The following CDK19 variants were observed in gnomAD, a reference collection of about 807,000 sequenced individuals.
CDK19 encodes cyclin-dependent kinase 19.
A neutral mutation model predicts 68.3 loss-of-function variants in CDK19; 20 were observed. The observed-to-expected ratio is 0.29, with a 90% CI of 0.21 to 0.43. The LOEUF (loss-of-function observed/expected upper bound fraction) is 0.43. Ranked by LOEUF, CDK19 falls within the 20% of genes least tolerant of loss-of-function variation. CDK19 has a pLI of 1.00. For missense variants in CDK19, 339 were observed against 623.5 expected (o/e 0.54, Z 4.86); for synonymous variants, 221 against 222.8 (o/e 0.99, Z 0.07).
intron 6 of CDK19, among the ~76,000 whole-genome samples, chr6:110,630,926 G>A (rs188013117): frequency 6.6e-6 from 1 of 152,328 alleles, no homozygotes; most frequent in Admixed American, 6.5e-5. Flanking sequence ...ACGTCTTGAT[G>A]AATGAGGACT....
At chr6:110,656,676 A>T (rs950456852) in intron 4 of CDK19, among the ~76,000 whole-genome samples, 1 of 152,242 alleles carries the variant, frequency 6.6e-6, no homozygotes, top group African/African-American at 2.4e-5. Flanking sequence ...CCAACCCAGC[A>T]CTGCCAACAG....
chr6:110,653,357 C>CT lies in CDK19; in HGVS notation c.456+14076dup, dbSNP rs548305101. ...ATTAATTTTAGTGAAAGTATATGCT[C>CT]TTTTTTAAAAAAAAGAAAACTACAG... On this transcript the variant is annotated intron_variant, in intron 4 of 12. Coordinates refer to ENST00000368911, the MANE Select transcript of CDK19 (RefSeq NM_015076.5). 2.4e-3 allele frequency among the ~76,000 whole-genome samples: 367 copies of CT among 152,140 alleles called. 2 individuals are homozygous for CT. Among genetic ancestry groups the CT allele is most frequent in the African/African-American group, 8.5e-3 (354 of 41,498 alleles).
chr6:110,761,776 T>A (rs1779249778), intron 1 of CDK19, among the ~76,000 whole-genome samples: 1 of 152,218 alleles, frequency 6.6e-6, no homozygotes, highest in South Asian at 2.1e-4. Context: ...TTTACTTTTG[T>A]CTTTCCAACT....
intron 2 of CDK19, among the ~76,000 whole-genome samples, chr6:110,712,685 C>A (rs953974472): frequency 2.6e-5 from 4 of 152,092 alleles, no homozygotes; most frequent in African/African-American, 9.7e-5. Context: ...GGGAAGCCAG[C>A]AGGAGTGTGG....
intron 2 of CDK19, among the ~76,000 whole-genome samples, chr6:110,671,186 A>G (rs1770985301): frequency 6.6e-6 from 1 of 152,152 alleles, no homozygotes; most frequent in South Asian, 2.1e-4. Flanking sequence ...GACTTCACAA[A>G]GTAAAAGCTT....
chr6:110,740,865 T>C (rs866471468), intron 2 of CDK19, among the ~76,000 whole-genome samples: 9 of 152,192 alleles, frequency 5.9e-5, no homozygotes, highest in African/African-American at 2.2e-4. Flanking sequence ...CAGTCCCTCT[T>C]AGCCTCTCTG....
intron 2 of CDK19, among the ~76,000 whole-genome samples, chr6:110,681,734 T>C (rs528361528): frequency 6.5e-4 from 99 of 152,238 alleles, no homozygotes; most frequent in Non-Finnish European, 1.1e-3. Context: ...TAATCATACT[T>C]AAACAGCAAT....
chr6:110,781,331 T>C (rs1215885478), intron 1 of CDK19, among the ~76,000 whole-genome samples: 3 of 152,120 alleles, frequency 2.0e-5, no homozygotes, highest in African/African-American at 7.2e-5. Context: ...CAGATCTCCC[T>C]GGGAACCGAT....
intron 4 of CDK19, among the ~76,000 whole-genome samples, chr6:110,650,143 T>C (rs977805472): frequency 6.6e-6 from 1 of 152,186 alleles, no homozygotes; most frequent in Admixed American, 6.5e-5. Flanking sequence ...TAAGACTATA[T>C]AGAACAGGAT....
chr6:110,731,142 G>A (rs970456353), intron 2 of CDK19, among the ~76,000 whole-genome samples: 2 of 151,182 alleles, frequency 1.3e-5, no homozygotes, highest in Non-Finnish European at 2.9e-5. Flanking sequence ...AAAGAAAAAA[G>A]AAAAGAAAAG....
chr6:110,646,331 C>A, intron 4 of CDK19: 2 of 1,474,294 alleles, frequency 1.4e-6, no homozygotes, highest in South Asian at 1.3e-5. Flanking sequence ...AACGGGCCCA[C>A]GACGGCATGC....
intron 2 of CDK19, among the ~76,000 whole-genome samples, chr6:110,687,071 G>C (rs899795200): frequency 1.3e-5 from 2 of 152,046 alleles, no homozygotes; most frequent in Non-Finnish European, 2.9e-5. Context: ...AAAATATATA[G>C]TTTGCATTTT....
chr6:110,715,907 T>G (rs1008974239), intron 2 of CDK19, among the ~76,000 whole-genome samples: 1 of 152,218 alleles, frequency 6.6e-6, no homozygotes, highest in African/African-American at 2.4e-5. Flanking sequence ...GGAACATCCT[T>G]CTTTTATAAG....
Position 110,735,383 on chromosome 6 carries a change from C to T in CDK19, c.204+10743G>A, listed in dbSNP as rs1777171926. Among the ~76,000 whole-genome samples, 3 of 152,132 alleles carry T rather than the reference C, an allele frequency of 2.0e-5. No homozygotes were observed. In the South Asian group the frequency reaches 6.2e-4, roughly 31 times the overall value. Reference sequence around the variant, plus strand: ...ACTAATATTGTTAAAGTAACAATTTCAAGTAAATTCTTGCATTTATTTAAT... The same window carrying T: ...ACTAATATTGTTAAAGTAACAATTTTAAGTAAATTCTTGCATTTATTTAAT... On this transcript the variant is annotated intron_variant, in intron 2 of 12. Transcript: ENST00000368911.
In CDK19 at chr6:110,610,172, G is replaced by A. The variant is rs969442707; in HGVS notation, c.*4363C>T. The A allele has an allele frequency of 6.6e-6, 1 of 152,172 alleles. No homozygotes were observed. The highest frequency in any genetic ancestry group is 2.4e-5 in the African/African-American group (1 of 41,404). 9.4% of individuals were successfully genotyped at this position (152,172 alleles called of 1,614,324 possible). On this transcript the variant is annotated 3_prime_UTR_variant, in exon 13 of 13. Coordinates refer to ENST00000368911, the MANE Select transcript of CDK19 (RefSeq NM_015076.5). ...TGCAGCGGCTCTGAGCACAAACCTC[G>A]CAGTGGAGCACGAAAAGCTACAGTC...
rs1276172281 is a variant in CDK19 at position 110,815,191 on chromosome 6, T to C, written c.-55A>G. 5 of 1,413,798 alleles carry C rather than the reference T, an allele frequency of 3.5e-6. No homozygotes were observed. The highest frequency in any genetic ancestry group is 3.2e-5 in the East Asian group (1 of 31,656). 87.6% of individuals were successfully genotyped at this position (1,413,798 alleles called of 1,614,324 possible). A position where few individuals can be genotyped will look rare whatever the true frequency, so the allele number is the denominator to read the frequency against. ...GCGGGGGCCGCCGCCGCTCAGTCCC[T>C]CCTCCTCCTCCCCCCGCGACCGCCG... is the stretch of plus-strand genomic sequence containing the variant. On this transcript the variant is annotated 5_prime_UTR_variant, in exon 1 of 13. Coordinates refer to ENST00000368911, the MANE Select transcript of CDK19 (RefSeq NM_015076.5).
chr6:110,674,514 A>G (rs1477977126), intron 2 of CDK19, among the ~76,000 whole-genome samples: 3 of 152,038 alleles, frequency 2.0e-5, no homozygotes, highest in African/African-American at 7.3e-5. Flanking sequence ...ACTCTGTTGA[A>G]CACACAAAGA....
intron 4 of CDK19, among the ~76,000 whole-genome samples, chr6:110,666,036 C>G (rs116889549): frequency 0.029 from 4,392 of 151,922 alleles, 87 homozygotes; most frequent in South Asian, 0.082. Context: ...AGCCACCACA[C>G]CCAGCCCAAT....
chr6:110,767,169 A>C (rs1160003650), intron 1 of CDK19, among the ~76,000 whole-genome samples: 1 of 150,370 alleles, frequency 6.7e-6, no homozygotes, highest in East Asian at 2.0e-4. Flanking sequence ...AAAAAAAAAA[A>C]GTTAACCTCA....
Sources: allele counts gnomAD v4.1 joint callset (sites outside exome capture counted in the v4.1 genomes callset), GRCh38; gene constraint gnomAD v4.1.1; transcripts MANE v1.5; gene names NCBI Gene and HGNC (gene_info 2026-07-23, HGNC 2026-07-21).